The following SCRN1 variants were observed in gnomAD, a reference collection of about 807,000 sequenced individuals.
SCRN1 encodes secernin 1.
In SCRN1, 19 loss-of-function variants were observed where a neutral mutation model predicts 43.3. The ratio of observed to expected loss-of-function variants is 0.44; its 90% CI spans 0.31 to 0.64. The LOEUF (loss-of-function observed/expected upper bound fraction) is 0.64. Among genes scored for constraint, SCRN1 ranks in the 30% least tolerant of loss-of-function variants. The pLI, the probability that SCRN1 is intolerant of heterozygous loss-of-function variation, is 0.09. For missense variants in SCRN1, 447 were observed against 524.1 expected (o/e 0.85, Z 1.44); for synonymous variants, 183 against 188.9 (o/e 0.97, Z 0.26).
At chr7:29,973,239 G>A (rs1040353437) in intron 1 of SCRN1, among the ~76,000 whole-genome samples, 3 of 152,182 alleles carry the variant, frequency 2.0e-5, no homozygotes, top group Admixed American at 6.5e-5. Context: ...CTCTTGGTGC[G>A]AATCTCATAT....
intron 6 of SCRN1, among the ~76,000 whole-genome samples, chr7:29,933,882 A>C (rs974681408): frequency 2.0e-5 from 3 of 152,228 alleles, no homozygotes; most frequent in Non-Finnish European, 4.4e-5. Context: ...GGGAGGGATA[A>C]AGACTAAAGT....
chr7:29,943,897 T>C, intron 4 of SCRN1, 80 bp downstream of exon 4: 1 of 1,323,840 alleles, frequency 7.6e-7, no homozygotes, highest in Middle Eastern at 2.3e-4. Flanking sequence ...TTCTTCCAGG[T>C]CTGACACTGT....
intron 6 of SCRN1, among the ~76,000 whole-genome samples, chr7:29,928,399 T>A (rs934976309): frequency 2.0e-5 from 3 of 152,200 alleles, no homozygotes; most frequent in African/African-American, 7.2e-5. Context: ...GATGTTGCCA[T>A]GGGACAGGAG....
chr7:29,927,632 A>G (rs1001587756), intron 6 of SCRN1, among the ~76,000 whole-genome samples: 6 of 152,164 alleles, frequency 3.9e-5, no homozygotes, highest in Non-Finnish European at 7.3e-5. Flanking sequence ...AACTCCCCAT[A>G]TGTGCCCCAT....
At position 29,923,984 on chromosome 7, in the gene SCRN1, A is replaced by C. The variant is rs146686520; in HGVS notation, c.1218T>G (p.Val406=). Residue 406 remains valine, a synonymous_variant, in exon 8 of 8, where the codon GTT becomes GTG. Coordinates refer to ENST00000242059, the MANE Select transcript of SCRN1 (RefSeq NM_014766.5). The stretch of plus-strand genomic sequence containing the variant: ...ACTTAAAGAACTTAATCTCCGTGTC[A>C]ACACAGTCATAGAAAAGGTCCCCCA... The part of the protein sequence containing the change: ...AEVGDLFYDC[V]DTEIKFFK 10 of 1,613,752 alleles carry C rather than the reference A, an allele frequency of 6.2e-6. No homozygotes were observed. Among genetic ancestry groups the C allele is most frequent in the Non-Finnish European group, 8.5e-6 (10 of 1,179,924 alleles).
At chr7:29,957,786 C>G (rs1393349215) in intron 2 of SCRN1, among the ~76,000 whole-genome samples, 1 of 152,148 alleles carries the variant, frequency 6.6e-6, no homozygotes, top group Non-Finnish European at 1.5e-5. Flanking sequence ...CATCAAGGTA[C>G]TCCAGACAGA....
intron 3 of SCRN1, among the ~76,000 whole-genome samples, chr7:29,952,317 C>T (rs752699914): frequency 2.0e-5 from 3 of 152,244 alleles, no homozygotes; most frequent in Non-Finnish European, 2.9e-5. Context: ...ACTTGCCACT[C>T]AAACTGTGGT....
chr7:29,941,403 T>TA lies in SCRN1; in HGVS notation c.545-528_545-527insT, dbSNP rs535919878. Among the ~76,000 whole-genome samples, 380 of 152,352 alleles carry TA rather than the reference T, an allele frequency of 2.5e-3. 6 individuals carry two copies. The highest frequency in any genetic ancestry group is 8.8e-3 in the African/African-American group (367 of 41,582). On this transcript the variant is annotated intron_variant, in intron 4 of 7. Transcript: ENST00000242059. ...CTTGGCCAAATCTATATGGTTTTTTTTAAAAAATACAAATCAAATACTTCA... is the reference window on the plus strand; with the variant it reads ...CTTGGCCAAATCTATATGGTTTTTTTATAAAAAATACAAATCAAATACTTCA...
rs763775794 is a variant in SCRN1 at position 29,936,633 on chromosome 7, G to A, written c.828C>T (p.Ala276=). The change falls in exon 6 of 8, where the codon GCC becomes GCT. Residue 276 remains alanine, a synonymous_variant. Transcript: ENST00000242059. ...CIDSEFFLTT[A]SGVSVLPQNR... is the part of the protein sequence containing the mutation. ...TCTGCGGCAGGACAGACACTCCACTGGCTGTGGTGAGGAAAAACTCAGAGT... is the reference window on the plus strand; with the variant it reads ...TCTGCGGCAGGACAGACACTCCACTAGCTGTGGTGAGGAAAAACTCAGAGT... 3.7e-6 allele frequency: 6 copies of A among 1,608,042 alleles called. No homozygotes were observed. Among genetic ancestry groups the A allele is most frequent in the Non-Finnish European group, 5.1e-6 (6 of 1,175,236 alleles).
At chr7:29,972,074 G>A (rs1788683600) in intron 1 of SCRN1, among the ~76,000 whole-genome samples, 1 of 152,218 alleles carries the variant, frequency 6.6e-6, no homozygotes, top group Admixed American at 6.5e-5. Context: ...CAGACTGGAG[G>A]AGTAGAGAGA....
At chr7:29,958,504 G>C (rs1375888086) in intron 2 of SCRN1, among the ~76,000 whole-genome samples, 1 of 152,136 alleles carries the variant, frequency 6.6e-6, no homozygotes, top group East Asian at 1.9e-4. Context: ...AAGCAAAAGA[G>C]GTTTCTCTAG....
At chr7:29,969,567 T>C (rs1360551694) in intron 1 of SCRN1, among the ~76,000 whole-genome samples, 1 of 152,236 alleles carries the variant, frequency 6.6e-6, no homozygotes, top group Non-Finnish European at 1.5e-5. Flanking sequence ...TTGTTGTTTT[T>C]AGTAGTTTTA....
In SCRN1 at chr7:29,929,474, C is replaced by G. The variant is rs560417269; in HGVS notation, c.906-2842G>C. Among the ~76,000 whole-genome samples, 10 of 152,384 alleles carry G rather than the reference C, an allele frequency of 6.6e-5. 1 individual carries two copies. The highest frequency in any genetic ancestry group is 2.4e-4 in the African/African-American group (10 of 41,592). On this transcript the variant is annotated intron_variant, in intron 6 of 7. Transcript: ENST00000242059. ...ATCTTCATCAGGAAACCTGCCATTT[C>G]ACTCCTAAAACCTCAGTGCTTCCCT...
chr7:29,981,478 T>C (rs888213611), intron 1 of SCRN1, among the ~76,000 whole-genome samples: 1 of 152,240 alleles, frequency 6.6e-6, no homozygotes, highest in African/African-American at 2.4e-5. Flanking sequence ...CTTTCAAACA[T>C]GCCTAGCTGA....
chr7:29,945,176 G>C (rs1787694280), intron 3 of SCRN1, among the ~76,000 whole-genome samples: 1 of 152,150 alleles, frequency 6.6e-6, no homozygotes, highest in Non-Finnish European at 1.5e-5. Flanking sequence ...TTTGAAGTGA[G>C]ACATCCATCT....
At chr7:29,947,346 G>A (rs900387202) in intron 3 of SCRN1, 98 of 1,548,088 alleles carry the variant, frequency 6.3e-5, no homozygotes, top group Non-Finnish European at 8.4e-5. Flanking sequence ...GGTCACACCT[G>A]TACTTCTCCT....
intron 1 of SCRN1, among the ~76,000 whole-genome samples, chr7:29,972,872 G>A (rs1366552122): frequency 6.6e-6 from 1 of 152,224 alleles, no homozygotes; most frequent in Non-Finnish European, 1.5e-5. Context: ...TTAGACTGAT[G>A]AAGGAGCACA....
At chr7:29,943,676 G>A (rs1787631430) in intron 4 of SCRN1, among the ~76,000 whole-genome samples, 1 of 152,160 alleles carries the variant, frequency 6.6e-6, no homozygotes, top group African/African-American at 2.4e-5. Context: ...CATTCTCTTG[G>A]CCAATTAATA....
Position 29,944,181 on chromosome 7 carries a change from T to C in SCRN1, c.342-2A>G, listed in dbSNP as rs753889874. ...GTTTCCCCTCTTTCTAAACCAAGCC[T>C]GCAGGAAGGAAACCAGAACCATACT... On this transcript the variant is annotated splice_acceptor_variant, in intron 3 of 7. Transcript: ENST00000242059. LOFTEE classifies it high-confidence loss of function. 5 of 1,614,068 alleles carry C rather than the reference T, an allele frequency of 3.1e-6. No homozygotes were observed. The Admixed American group carries it at 8.3e-5, about 27-fold the overall frequency.
Sources: allele counts gnomAD v4.1 joint callset (sites outside exome capture counted in the v4.1 genomes callset), GRCh38; gene constraint gnomAD v4.1.1; transcripts MANE v1.5; gene names NCBI Gene and HGNC (gene_info 2026-07-23, HGNC 2026-07-21).